The following CCDC30 variants were observed in gnomAD, a reference collection of about 807,000 sequenced individuals.
The protein encoded by CCDC30 is coiled-coil domain-containing protein 30.
A neutral mutation model predicts 100.2 loss-of-function variants in CCDC30; 70 were observed. The ratio of observed to expected loss-of-function variants is 0.70; its 90% CI spans 0.58 to 0.85. The LOEUF is 0.85. CCDC30 is among the 40% of genes least tolerant of loss of function. CCDC30 has a pLI of 0.00. For missense variants in CCDC30, 652 were observed against 771.2 expected (o/e 0.85, Z 1.83); for synonymous variants, 233 against 269.5 (o/e 0.86, Z 1.33).
intron 6 of CCDC30, among the ~76,000 whole-genome samples, chr1:42,519,537 GTTGT>G (rs373936310): frequency 2.4e-3 from 371 of 151,840 alleles, no homozygotes; most frequent in Non-Finnish European, 4.3e-3. Flanking sequence ...TTTCTTTTTT[GTTGT>G]TTGTTTGTTT....
upstream of CCDC30, among the ~76,000 whole-genome samples, chr1:42,462,898 G>C (rs1285896874): frequency 6.6e-6 from 1 of 152,160 alleles, no homozygotes; most frequent in Non-Finnish European, 1.5e-5. Context: ...CACGATCTAG[G>C]CCTAAAATTC....
At chr1:42,540,859 GTATTCAGAT>G (rs1464603432) in intron 6 of CCDC30, among the ~76,000 whole-genome samples, 1 of 152,054 alleles carries the variant, frequency 6.6e-6, no homozygotes. Context: ...TCTATAGCTC[GTATTCAGAT>G]TTTATTCTGA....
At chr1:42,608,272 A>G (rs72959630) in intron 10 of CCDC30, among the ~76,000 whole-genome samples, 6,472 of 152,328 alleles carry the variant, frequency 0.042, 445 homozygotes, top group African/African-American at 0.14. Context: ...ACCCCGATAG[A>G]GAGAGAAGTC....
intron 6 of CCDC30, among the ~76,000 whole-genome samples, chr1:42,546,444 T>A (rs1645146039): frequency 9.5e-6 from 1 of 105,526 alleles, no homozygotes; most frequent in African/African-American, 3.1e-5. Context: ...ATATATATAG[T>A]ATTCTAATAA....
intron 1 of CCDC30, among the ~76,000 whole-genome samples, chr1:42,467,091 A>C (rs1272411760): frequency 6.6e-6 from 1 of 152,226 alleles, no homozygotes; most frequent in African/African-American, 2.4e-5. Context: ...GATAGGGACC[A>C]ATAAGTATAC....
chr1:42,499,117 C>T (rs1471246065), intron 6 of CCDC30, among the ~76,000 whole-genome samples: 1 of 152,066 alleles, frequency 6.6e-6, no homozygotes, highest in Admixed American at 6.6e-5. Flanking sequence ...TCATAGAGAA[C>T]AATTAATTTG....
chr1:42,624,526 C>A (rs1646897120), intron 11 of CCDC30, among the ~76,000 whole-genome samples: 2 of 152,216 alleles, frequency 1.3e-5, no homozygotes, highest in South Asian at 4.1e-4. Context: ...GTCACCCAGA[C>A]TGGAGTGCAG....
intron 11 of CCDC30, among the ~76,000 whole-genome samples, chr1:42,617,727 T>C (rs2148652747): frequency 6.6e-6 from 1 of 152,306 alleles, no homozygotes; most frequent in East Asian, 1.9e-4. Flanking sequence ...TGAGCCAGTT[T>C]ATCTATCTAG....
At position 42,501,062 on chromosome 1, in the gene CCDC30, G is replaced by A. The variant is rs181740670; in HGVS notation, c.456+2146G>A. On this transcript the variant is annotated intron_variant, in intron 6 of 16. Coordinates refer to ENST00000668663, the Ensembl canonical transcript of CCDC30. ...CATCAATGTTTTCTTTTATAATTTTGTGATAGGACACAAAAAGCCTATTTA... is the reference window on the plus strand; with the variant it reads ...CATCAATGTTTTCTTTTATAATTTTATGATAGGACACAAAAAGCCTATTTA... Among the ~76,000 whole-genome samples the A allele has an allele frequency of 2.0e-4, 30 of 152,038 alleles. No homozygotes were observed. The East Asian group carries it at 4.6e-3, about 24-fold the overall frequency.
chr1:42,631,569 G>A (rs1411901627), intron 11 of CCDC30, among the ~76,000 whole-genome samples: 1 of 152,200 alleles, frequency 6.6e-6, no homozygotes, highest in Non-Finnish European at 1.5e-5. Context: ...AGGGCAGCGA[G>A]CTCCCCCATG....
downstream of CCDC30, among the ~76,000 whole-genome samples, chr1:42,656,144 A>T (rs540750078): frequency 6.6e-6 from 1 of 152,094 alleles, no homozygotes; most frequent in Non-Finnish European, 1.5e-5. Flanking sequence ...TGATAGGATT[A>T]TAGGATGAGC....
rs764194566 is a variant in CCDC30, at chr1:42,637,336, A to G, written c.1377A>G (p.Gln459=). 242 of 1,596,586 alleles carry G rather than the reference A, an allele frequency of 1.5e-4. 1 individual carries two copies. The South Asian group carries it at 2.6e-3, about 17-fold the overall frequency. The change falls in exon 12 of 17, where the codon CAA becomes CAG. Residue 459 remains glutamine (Q), a synonymous_variant. Coordinates refer to ENST00000668663, the Ensembl canonical transcript of CCDC30. Reference sequence around the variant, plus strand: ...AACTACGAGATAAGAGAATTAACCAATTTGAAGATGAAATTGGAATCCTGC... The same window carrying G: ...AACTACGAGATAAGAGAATTAACCAGTTTGAAGATGAAATTGGAATCCTGC...
chr1:42,468,649 A>C (rs1643667685), intron 1 of CCDC30: 1 of 152,248 alleles, frequency 6.6e-6, no homozygotes, highest in South Asian at 2.1e-4. Context: ...GTTTCTTGCC[A>C]CTTCTTCTAG....
chr1:42,534,543 A>G (rs1379601723), intron 6 of CCDC30, among the ~76,000 whole-genome samples: 2 of 152,204 alleles, frequency 1.3e-5, no homozygotes, highest in Non-Finnish European at 2.9e-5. Flanking sequence ...CCATTTTTCT[A>G]ATAGCATTCC....
intron 1 of CCDC30, among the ~76,000 whole-genome samples, chr1:42,465,672 C>G (rs1352120622): frequency 6.6e-6 from 1 of 152,170 alleles, no homozygotes; most frequent in Admixed American, 6.5e-5. Flanking sequence ...ACCTCTAGCA[C>G]AGTTTTAAAC....
rs534397897 is a variant in CCDC30 at position 42,478,296 on chromosome 1, G to A, written c.-91-2165G>A. 5.3e-5 allele frequency among the ~76,000 whole-genome samples: 8 copies of A among 152,248 alleles called. No homozygotes were observed. The South Asian group carries it at 6.2e-4, about 12-fold the overall frequency. ...GCAGTAATAATCAAAGAATGAGAAC[G>A]AAAACAAGGCTCAGAGTGTAAATGG... On this transcript the variant is annotated intron_variant, in intron 1 of 16. Transcript: ENST00000668663.
chr1:42,467,189 A>G (rs1643617950), intron 1 of CCDC30, among the ~76,000 whole-genome samples: 1 of 152,242 alleles, frequency 6.6e-6, no homozygotes, highest in Non-Finnish European at 1.5e-5. Flanking sequence ...TCTGGTCCCA[A>G]GCTAAAGGGT....
rs60179590 is a variant in CCDC30, at chr1:42,481,508, C to T, written c.15+942C>T. On this transcript the variant is annotated intron_variant, in intron 2 of 16. Coordinates refer to ENST00000668663, the Ensembl canonical transcript of CCDC30. Reference sequence around the variant, plus strand: ...AGGAGAATCACTTGAATCTGGGAGGCGTAGGTTGCAGTGAGCCGAGATTAT... The same window carrying T: ...AGGAGAATCACTTGAATCTGGGAGGTGTAGGTTGCAGTGAGCCGAGATTAT... Among the ~76,000 whole-genome samples the T allele has an allele frequency of 6.5e-3, 922 of 142,606 alleles. 13 individuals are homozygous for T. The highest frequency in any genetic ancestry group is 0.023 in the African/African-American group (886 of 38,262). The allele number at this position is 142,606 out of a possible 152,430, so 93.6% of individuals were successfully genotyped here.
At chr1:42,525,550 T>G (rs1221971219) in intron 6 of CCDC30, among the ~76,000 whole-genome samples, 5 of 152,244 alleles carry the variant, frequency 3.3e-5, no homozygotes, top group Admixed American at 6.5e-5. Context: ...TAGGTCTGTT[T>G]CTATTCACTG....
Sources: gnomAD v4.1 joint callset for allele counts (sites outside exome capture counted in the v4.1 genomes callset) on GRCh38, gnomAD v4.1.1 for gene constraint, MANE v1.5 for transcripts, NCBI Gene and HGNC (gene_info 2026-07-23, HGNC 2026-07-21) for gene names.